ANKRD23: variants seen among roughly 807,000 people sequenced by gnomAD.
ANKRD23 encodes ankyrin repeat domain 23, also known as ankyrin repeat domain-containing protein 23.
Under a neutral mutation model 38.1 loss-of-function variants are expected in ANKRD23, and 52 were observed. The observed-to-expected ratio is 1.36, with a 90% CI of 1.09 to 1.72. The LOEUF (loss-of-function observed/expected upper bound fraction) is 1.72, where lower values mean the gene tolerates loss of function less well. ANKRD23 is among the 40% of genes most tolerant of loss of function. The probability of loss-of-function intolerance (pLI) is 0.00; values close to 1 mark genes in which losing one functional copy is unlikely to be tolerated. For synonymous variants in ANKRD23, 167 were observed against 162.9 expected (o/e 1.03, Z -0.19); for missense variants, 416 against 400.2 (o/e 1.04, Z -0.34).
chr2:96,841,596 C>T (rs1362395905), intron 3 of ANKRD23, among the ~76,000 whole-genome samples: 1 of 89,728 alleles, frequency 1.1e-5, no homozygotes, highest in Non-Finnish European at 1.9e-5. Context: ...GAGACTCCGT[C>T]TCAAAAAAAA....
chr2:96,841,939 A>G, intron 3 of ANKRD23, 121 bp downstream of exon 3: 2 of 1,441,272 alleles, frequency 1.4e-6, no homozygotes, highest in South Asian at 2.6e-5. Flanking sequence ...GAGTGGATTT[A>G]ATGGGCTCCC....
At position 96,840,402 on chromosome 2, in the gene ANKRD23, T is replaced by G. The variant is rs2079746371; in HGVS notation, c.525+14A>C. The G allele has an allele frequency of 6.2e-7, 1 of 1,613,708 alleles. No homozygotes were observed. Among genetic ancestry groups the G allele is most frequent in the Non-Finnish European group, 8.5e-7 (1 of 1,179,906 alleles). ...TGGGCGTCGACCAGAGGCTGGGCCT[T>G]TCCCCATCCTCACCAAGTCTCGCGC... On this transcript the variant is annotated intron_variant, in intron 5 of 8. Coordinates refer to ENST00000318357, the MANE Select transcript of ANKRD23 (RefSeq NM_144994.8).
chr2:96,838,171 G>T lies in ANKRD23; in HGVS notation c.*1378C>A. The T allele has an allele frequency of 4.8e-6, 1 of 208,958 alleles. No individual in the cohort carries two copies. The highest frequency in any genetic ancestry group is 8.4e-6 in the Non-Finnish European group (1 of 119,448). 12.9% of individuals were successfully genotyped at this position (208,958 alleles called of 1,614,324 possible). On this transcript the variant is annotated 3_prime_UTR_variant, in exon 9 of 9. Transcript: ENST00000318357. ...GTAACAACAGCCTTGTTCTGGGCCT[G>T]AGAAGGCCCCCAAAGGTAGACGAAA... is the stretch of plus-strand genomic sequence containing the variant.
rs1437558079 is a variant in ANKRD23 at position 96,842,199 on chromosome 2, C to A, written c.175-14G>T. ...AAATCTTTCAAGCTGGGGCAGAAGA[C>A]AAGACCATGCCAGCCATCAGCCGCT... is the stretch of plus-strand genomic sequence containing the variant. On this transcript the variant is annotated splice_polypyrimidine_tract_variant and intron_variant, in intron 2 of 8. Coordinates refer to ENST00000318357, the MANE Select transcript of ANKRD23 (RefSeq NM_144994.8). 1 of 1,613,822 alleles carries A rather than the reference C, an allele frequency of 6.2e-7. No homozygotes were observed. Among genetic ancestry groups the A allele is most frequent in the African/African-American group, 1.3e-5 (1 of 74,914 alleles).
In ANKRD23 at chr2:96,838,767, G is replaced by A. The variant is rs1009556049; in HGVS notation, c.*782C>T. ...AACGGTGTGCCAGGCCGGCCTGAGC[G>A]GGGCCAGTACACAGTGGGTGCGAGG... On this transcript the variant is annotated 3_prime_UTR_variant, in exon 9 of 9. Transcript: ENST00000318357. 61 of 985,506 alleles carry A rather than the reference G, an allele frequency of 6.2e-5. No individual in the cohort carries two copies. In the Admixed American group the frequency reaches 6.8e-4, roughly 11 times the overall value. The allele number at this position is 985,506 out of a possible 1,614,324, so 61.0% of individuals were successfully genotyped here. A position where few individuals can be genotyped will look rare whatever the true frequency, so the allele number is the denominator to read the frequency against.
chr2:96,843,062 GC>G (rs2079779166), intron 1 of ANKRD23, among the ~76,000 whole-genome samples: 1 of 152,194 alleles, frequency 6.6e-6, no homozygotes, highest in Admixed American at 6.5e-5. Context: ...TGGGACCTGT[GC>G]CTGGGGCAAA....
Position 96,842,146 on chromosome 2 carries a change from G to C in ANKRD23, c.214C>G (p.Leu72Val). 2.5e-6 allele frequency: 4 copies of C among 1,614,202 alleles called. No individual in the cohort carries two copies. The highest frequency in any genetic ancestry group is 3.4e-6 in the Non-Finnish European group (4 of 1,180,038). ...TGAACCAAGTTTTCCAAGTCAGCCAGGTTATCCAGATTAAATCTGGTACTG... is the reference window on the plus strand; with the variant it reads ...TGAACCAAGTTTTCCAAGTCAGCCACGTTATCCAGATTAAATCTGGTACTG... ...FNSTRFNLDN[L>V]ADLENLVQRR... The change falls in exon 3 of 9, where the codon CTG becomes GTG. Residue 72 changes from leucine (L) to valine (V), a missense_variant. Physicochemically the swap from Leu to Val is conservative, Grantham distance 32. Transcript: ENST00000318357.
In ANKRD23 at chr2:96,838,855, C is replaced by T; in HGVS notation, c.*694G>A. ...GGCTTCTGAGGCAACCTAGTGGGTC[C>T]TGGACTTCTGTTGCTGTGGGGCCTC... is the stretch of plus-strand genomic sequence containing the variant. On this transcript the variant is annotated 3_prime_UTR_variant, in exon 9 of 9. Coordinates refer to ENST00000318357, the MANE Select transcript of ANKRD23 (RefSeq NM_144994.8). The T allele has an allele frequency of 1.0e-6, 1 of 985,540 alleles. No individual in the cohort carries two copies. Among genetic ancestry groups the T allele is most frequent in the Non-Finnish European group, 1.2e-6 (1 of 830,012 alleles). 61.0% of individuals were successfully genotyped at this position (985,540 alleles called of 1,614,324 possible).
intron 2 of ANKRD23, 75 bp downstream of exon 2, chr2:96,842,290 C>G: frequency 6.2e-7 from 1 of 1,602,604 alleles, no homozygotes; most frequent in Non-Finnish European, 8.5e-7. Context: ...CACCAGAGTC[C>G]CTCCAGGCCT....
In ANKRD23 at chr2:96,840,349, C is replaced by T. The variant is rs1225460683; in HGVS notation, c.526-19G>A. On this transcript the variant is annotated intron_variant, in intron 5 of 8. Coordinates refer to ENST00000318357, the MANE Select transcript of ANKRD23 (RefSeq NM_144994.8). ...TGTCCAGCTGCAAAACAAAAGCACC[C>T]AAGCACTCAGCTGCTGGGATGTGAA... The T allele has an allele frequency of 6.2e-7, 1 of 1,606,986 alleles. No homozygotes were observed. The highest frequency in any genetic ancestry group is 1.7e-5 in the Admixed American group (1 of 59,162).
Position 96,839,628 on chromosome 2 carries a change from A to G in ANKRD23, c.839T>C (p.Val280Ala). 5 of 1,510,186 alleles carry G rather than the reference A, an allele frequency of 3.3e-6. No individual in the cohort carries two copies. Among genetic ancestry groups the G allele is most frequent in the Non-Finnish European group, 4.4e-6 (5 of 1,127,930 alleles). The allele number at this position is 1,510,186 out of a possible 1,614,324, so 93.5% of individuals were successfully genotyped here. Reference protein sequence around the residue: ...GVRNAASVTPVQLARDWQRGI... With the variant: ...GVRNAASVTPAQLARDWQRGI... ...GCGCTGCCAGTCTCGAGCCAGCTGC[A>G]CCGGGGTCACGGAGGCCTGGGAGCA... The change falls in exon 9 of 9, where the codon GTG becomes GCG. Residue 280 changes from valine (V) to alanine (A), a missense_variant. By Grantham distance (64) the Val-to-Ala change is moderately conservative. Coordinates refer to ENST00000318357, the MANE Select transcript of ANKRD23 (RefSeq NM_144994.8).
rs951278053 is a variant in ANKRD23 at position 96,839,483 on chromosome 2, C to T, written c.*66G>A. On this transcript the variant is annotated 3_prime_UTR_variant, in exon 9 of 9. Coordinates refer to ENST00000318357, the MANE Select transcript of ANKRD23 (RefSeq NM_144994.8). ...AGGGCAGGAACCACAGAGGTGCAGA[C>T]GCGGGGGCGGGGCACAGGATGGAAT... 2 of 1,395,452 alleles carry T rather than the reference C, an allele frequency of 1.4e-6. No individual in the cohort carries two copies. Among genetic ancestry groups the T allele is most frequent in the African/African-American group, 1.5e-5 (1 of 66,396 alleles). 86.4% of individuals were successfully genotyped at this position (1,395,452 alleles called of 1,614,324 possible).
rs148240041 is a variant in ANKRD23, at chr2:96,842,121, T to C, written c.239A>G (p.Gln80Arg). The C allele has an allele frequency of 3.1e-6, 5 of 1,614,092 alleles. No homozygotes were observed. The African/African-American group carries it at 5.3e-5, about 17-fold the overall frequency. ...DNLADLENLV[Q>R]RRKKRLRHRV... ...GTGTCTCAGTCGCTTTTTCCGTCTT[T>C]GAACCAAGTTTTCCAAGTCAGCCAG... Residue 80 changes from glutamine (Q) to arginine (R), a missense_variant, in exon 3 of 9, where the codon CAA (glutamine) becomes CGA (arginine). Transcript: ENST00000318357.
intron 3 of ANKRD23, 160 bp from the exon 4 acceptor site, chr2:96,841,072 T>C (rs1327750728): frequency 3.7e-6 from 3 of 820,476 alleles, no homozygotes; most frequent in Admixed American, 2.9e-5. Flanking sequence ...CGCCAGGAGA[T>C]TGAATAGACT....
At position 96,839,019 on chromosome 2, in the gene ANKRD23, G is replaced by C. The variant is rs1421574377; in HGVS notation, c.*530C>G. On this transcript the variant is annotated 3_prime_UTR_variant, in exon 9 of 9. Transcript: ENST00000318357. ...GTCCCCAGAGAAAGCCATGCCCACAGGCATCCACCAGCTGCAGACAGGCCC... is the reference window on the plus strand; with the variant it reads ...GTCCCCAGAGAAAGCCATGCCCACACGCATCCACCAGCTGCAGACAGGCCC... The C allele has an allele frequency of 3.0e-6, 3 of 985,860 alleles. No homozygotes were observed. Among genetic ancestry groups the C allele is most frequent in the Non-Finnish European group, 3.6e-6 (3 of 830,356 alleles). 61.1% of individuals were successfully genotyped at this position (985,860 alleles called of 1,614,324 possible). A position where few individuals can be genotyped will look rare whatever the true frequency, so the allele number is the denominator to read the frequency against.
In ANKRD23 at chr2:96,838,489, G is replaced by A. The variant is rs372643093; in HGVS notation, c.*1060C>T. ...GGGATGGGAAGGGCTGGGGGGCGGC[G>A]GGGGCTCACCTTCCTCTGCTTCCCT... On this transcript the variant is annotated 3_prime_UTR_variant, in exon 9 of 9. Transcript: ENST00000318357. 5.1e-6 allele frequency: 5 copies of A among 986,380 alleles called. No homozygotes were observed. Among genetic ancestry groups the A allele is most frequent in the South Asian group, 9.4e-5 (2 of 21,322 alleles). 61.1% of individuals were successfully genotyped at this position (986,380 alleles called of 1,614,324 possible).
At chr2:96,842,335 C>A (rs1215515228) in intron 2 of ANKRD23, 30 bp downstream of exon 2, 21 of 1,599,946 alleles carry the variant, frequency 1.3e-5, no homozygotes, top group South Asian at 3.3e-5. Context: ...TAGCCACTGC[C>A]CCCAACCCCG....
chr2:96,838,599 G>C lies in ANKRD23; in HGVS notation c.*950C>G. 3 of 985,696 alleles carry C rather than the reference G, an allele frequency of 3.0e-6. No homozygotes were observed. The highest frequency in any genetic ancestry group is 3.6e-6 in the Non-Finnish European group (3 of 830,190). 61.1% of individuals were successfully genotyped at this position (985,696 alleles called of 1,614,324 possible). A position where few individuals can be genotyped will look rare whatever the true frequency, so the allele number is the denominator to read the frequency against. On this transcript the variant is annotated 3_prime_UTR_variant, in exon 9 of 9. Transcript: ENST00000318357. ...GGTGCAGCTGCAGCGTTCCAGGCAA[G>C]AGCTCAAGCTCCAGTACCAGGAACA...
At chr2:96,843,888 G>A in intron 1 of ANKRD23, 78 bp downstream of exon 1, 1 of 1,440,448 alleles carries the variant, frequency 6.9e-7, no homozygotes, top group Non-Finnish European at 9.5e-7. Context: ...ACAGAAAGAA[G>A]CTGCCAGCCC....
Sources: gnomAD v4.1 joint callset for allele counts (sites outside exome capture counted in the v4.1 genomes callset) on GRCh38, gnomAD v4.1.1 for gene constraint, MANE v1.5 for transcripts, NCBI Gene and HGNC (gene_info 2026-07-23, HGNC 2026-07-21) for gene names.